Variants in PDE1A observed in about 807,000 individuals in gnomAD.
PDE1A encodes the protein phosphodiesterase 1A.
Under a neutral mutation model 61.7 loss-of-function variants are expected in PDE1A, and 35 were observed. That is an observed-to-expected ratio of 0.57 (90% CI 0.43 to 0.75). PDE1A has a LOEUF of 0.75. PDE1A is among the 30% of genes least tolerant of loss of function. PDE1A has a pLI of 0.00. For synonymous variants in PDE1A, 232 were observed against 213.2 expected (o/e 1.09, Z -0.77); for missense variants, 597 against 630.6 (o/e 0.95, Z 0.57).
At chr2:182,319,495 T>G (rs928138734) in intron 1 of PDE1A, among the ~76,000 whole-genome samples, 16 of 152,340 alleles carry the variant, frequency 1.1e-4, no homozygotes, top group African/African-American at 3.4e-4. Flanking sequence ...CTTTATTTAC[T>G]CCTATATTTC....
intron 3 of PDE1A, among the ~76,000 whole-genome samples, chr2:182,238,271 AAAAAAAAAAAAG>A (rs1475266415): frequency 6.6e-6 from 1 of 150,634 alleles, no homozygotes; most frequent in African/African-American, 2.4e-5. Flanking sequence ...TACGTCAAAA[AAAAAAAAAAAAG>A]AAAAAGAAAA....
chr2:182,234,769 T>C (rs1689871890), intron 3 of PDE1A, among the ~76,000 whole-genome samples: 1 of 152,226 alleles, frequency 6.6e-6, no homozygotes, highest in Non-Finnish European at 1.5e-5. Context: ...AACTTGATCA[T>C]ATTAAAAGAT....
chr2:182,609,012 G>A, the PDE1A span, among the ~76,000 whole-genome samples: 1 of 152,140 alleles, frequency 6.6e-6, no homozygotes, highest in African/African-American at 2.4e-5. Flanking sequence ...CTGGCACTCT[G>A]TCTCTAGTTA....
At chr2:182,602,976 A>G in the PDE1A span, among the ~76,000 whole-genome samples, 4 of 136,198 alleles carry the variant, frequency 2.9e-5, no homozygotes, top group Non-Finnish European at 6.2e-5. Flanking sequence ...TTGCCCTAAA[A>G]TACATCACAC....
At chr2:182,292,561 T>G (rs1694606606) in intron 1 of PDE1A, among the ~76,000 whole-genome samples, 1 of 152,052 alleles carries the variant, frequency 6.6e-6, no homozygotes, top group Admixed American at 6.5e-5. Flanking sequence ...GGTATATTCT[T>G]GTAGTACACT....
At chr2:182,209,080 G>A (rs1687358422) in intron 7 of PDE1A, among the ~76,000 whole-genome samples, 1 of 151,990 alleles carries the variant, frequency 6.6e-6, no homozygotes, top group African/African-American at 2.4e-5. Context: ...GGCCAGAAGT[G>A]GAATAATGTA....
At chr2:182,633,378 C>T in the PDE1A span, among the ~76,000 whole-genome samples, 1 of 152,260 alleles carries the variant, frequency 6.6e-6, no homozygotes, top group African/African-American at 2.4e-5. Context: ...TGTTTCCTAC[C>T]TACATTATTC....
intron 1 of PDE1A, among the ~76,000 whole-genome samples, chr2:182,280,368 T>C (rs1033408057): frequency 1.3e-5 from 2 of 151,930 alleles, no homozygotes; most frequent in African/African-American, 4.8e-5. Context: ...CTTGACCACA[T>C]TTCCTGTTGG....
intron 2 of PDE1A, among the ~76,000 whole-genome samples, chr2:182,257,755 A>T (rs1439990248): frequency 1.3e-5 from 2 of 152,220 alleles, no homozygotes; most frequent in Non-Finnish European, 2.9e-5. Flanking sequence ...GGACAGCAAG[A>T]CATGTCAAAA....
At chr2:182,329,928 C>T (rs565801732) in intron 1 of PDE1A, among the ~76,000 whole-genome samples, 2 of 152,314 alleles carry the variant, frequency 1.3e-5, no homozygotes, top group Admixed American at 6.5e-5. Context: ...ATTCCCCACA[C>T]TTAAAATGGT....
intron 1 of PDE1A, among the ~76,000 whole-genome samples, chr2:182,278,430 T>C (rs1305136382): frequency 3.3e-5 from 5 of 152,032 alleles, no homozygotes; most frequent in Admixed American, 2.6e-4. Flanking sequence ...GTTCTATGTT[T>C]TGGTAGACTA....
Position 182,153,919 on chromosome 2 carries a change from G to A in PDE1A, c.1517-6767C>T, listed in dbSNP as rs537166520. 4.6e-5 allele frequency among the ~76,000 whole-genome samples: 7 copies of A among 152,222 alleles called. 1 individual carries two copies. In the South Asian group the frequency reaches 1.2e-3, roughly 27 times the overall value. On this transcript the variant is annotated intron_variant, in intron 13 of 13. Transcript: ENST00000409365. ...TTAATGGGTATAATGTACACTATTC[G>A]GGTGATGGCTGCACTTGAGTGTGAG...
intron 2 of PDE1A, among the ~76,000 whole-genome samples, chr2:182,485,916 T>C (rs924335750): frequency 6.6e-6 from 1 of 152,156 alleles, no homozygotes; most frequent in African/African-American, 2.4e-5. Flanking sequence ...GGCATCTGCC[T>C]GCTTCACTAC....
the PDE1A span, among the ~76,000 whole-genome samples, chr2:182,608,235 T>A: frequency 6.6e-6 from 1 of 152,230 alleles, no homozygotes; most frequent in Non-Finnish European, 1.5e-5. Flanking sequence ...AATATTACTG[T>A]AACTTTTCTG....
At chr2:182,671,688 C>G in the PDE1A span, among the ~76,000 whole-genome samples, 1 of 147,124 alleles carries the variant, frequency 6.8e-6, no homozygotes, top group Non-Finnish European at 1.5e-5. Flanking sequence ...GGAGCGATCT[C>G]AGCTCACTGC....
chr2:182,596,627 T>A, the PDE1A span, among the ~76,000 whole-genome samples: 2 of 152,172 alleles, frequency 1.3e-5, no homozygotes, highest in Non-Finnish European at 2.9e-5. Context: ...TTGAGGGCCA[T>A]CAGTAACTAT....
chr2:182,499,343 A>T (rs1263955771), intron 2 of PDE1A, among the ~76,000 whole-genome samples: 3 of 151,880 alleles, frequency 2.0e-5, no homozygotes, highest in South Asian at 2.1e-4. Flanking sequence ...TACTCCGCTA[A>T]TTTTTTGTAT....
intron 2 of PDE1A, among the ~76,000 whole-genome samples, chr2:182,443,778 A>G (rs1488011151): frequency 7.1e-6 from 1 of 140,238 alleles, no homozygotes; most frequent in East Asian, 2.1e-4. Context: ...ATCTTGGCTC[A>G]CTGCAAACTC....
intron 1 of PDE1A, among the ~76,000 whole-genome samples, chr2:182,326,589 C>T (rs1426366402): frequency 6.6e-6 from 1 of 152,022 alleles, no homozygotes; most frequent in East Asian, 1.9e-4. Flanking sequence ...TAAATGGATA[C>T]AGAGTTTCAG....
Sources: gnomAD v4.1 joint callset for allele counts (sites outside exome capture counted in the v4.1 genomes callset) on GRCh38, gnomAD v4.1.1 for gene constraint, MANE v1.5 for transcripts, NCBI Gene and HGNC (gene_info 2026-07-23, HGNC 2026-07-21) for gene names.